The following SI variants were observed in gnomAD, a reference collection of about 807,000 sequenced individuals.
SI encodes sucrase-isomaltase, intestinal.
In SI, 235 loss-of-function variants were observed where a neutral mutation model predicts 253.3. The ratio of observed to expected loss-of-function variants is 0.93; its 90% CI spans 0.83 to 1.03. SI has a LOEUF of 1.03. SI is among the 50% of genes least tolerant of loss of function. The probability of loss-of-function intolerance (pLI) is 0.00; values close to 1 mark genes in which losing one functional copy is unlikely to be tolerated. For synonymous variants in SI, 819 were observed against 712.0 expected (o/e 1.15, Z -2.39); for missense variants, 2,442 against 2,211.1 (o/e 1.10, Z -2.09).
the SI span, among the ~76,000 whole-genome samples, chr3:165,086,141 C>G: frequency 1.3e-5 from 2 of 152,024 alleles, no homozygotes; most frequent in Non-Finnish European, 2.9e-5. Context: ...GTAATCCCAG[C>G]TACTTGGGAG....
intron 20 of SI, among the ~76,000 whole-genome samples, chr3:165,038,557 C>CAAA (rs11380597): frequency 1.4e-5 from 2 of 144,424 alleles, no homozygotes; most frequent in Non-Finnish European, 1.5e-5. Context: ...AAAAAAAATT[C>CAAA]AAAAAAAAAA....
chr3:165,063,914 C>CA (rs66516140), intron 7 of SI, among the ~76,000 whole-genome samples: 87,241 of 149,930 alleles, frequency 0.58, 25,780 homozygotes, highest in East Asian at 0.81. Flanking sequence ...ACTAAAAATA[C>CA]AAAAAATTAG....
chr3:165,074,706 T>A, intron 2 of SI, 39 bp from the exon 3 acceptor site: 1 of 1,508,986 alleles, frequency 6.6e-7, no homozygotes, highest in South Asian at 1.1e-5. Context: ...AAACATGACA[T>A]TAAATTAATT....
chr3:165,069,272 G>T lies in SI; in HGVS notation c.256-77C>A, dbSNP rs1403620341. 2.4e-5 allele frequency: 24 copies of T among 1,002,460 alleles called. No homozygotes were observed. The Admixed American group carries it at 2.5e-4, about 10-fold the overall frequency. The allele number at this position is 1,002,460 out of a possible 1,614,324, so 62.1% of individuals were successfully genotyped here. ...CCCAGTCTCTGTTTTTCCAAGGAAT[G>T]AATATTTTAAAATAATCTAACTTTT... is the stretch of plus-strand genomic sequence containing the variant. On this transcript the variant is annotated intron_variant, in intron 3 of 47. Transcript: ENST00000264382.
chr3:165,065,894 T>C (rs955360789), intron 6 of SI, among the ~76,000 whole-genome samples: 1 of 151,878 alleles, frequency 6.6e-6, no homozygotes, highest in Non-Finnish European at 1.5e-5. Flanking sequence ...CAAAAAGTTT[T>C]ATGTGTTATG....
chr3:165,023,264 C>G (rs1327793711), intron 26 of SI, among the ~76,000 whole-genome samples: 1 of 151,178 alleles, frequency 6.6e-6, no homozygotes, highest in Non-Finnish European at 1.5e-5. Context: ...CAGTAGGCAT[C>G]CAATTTTGTT....
intron 38 of SI, among the ~76,000 whole-genome samples, chr3:164,997,738 G>A (rs1718075994): frequency 1.3e-5 from 2 of 151,532 alleles, no homozygotes; most frequent in Admixed American, 6.6e-5. Flanking sequence ...TAGAATATGT[G>A]GTATTTTGTT....
chr3:165,028,911 A>G (rs1463696551), intron 25 of SI, among the ~76,000 whole-genome samples: 1 of 151,410 alleles, frequency 6.6e-6, no homozygotes, highest in Non-Finnish European at 1.5e-5. Context: ...CAATAAAAAC[A>G]AAGACAAACA....
At chr3:164,992,272 C>A in intron 42 of SI, 39 bp from the exon 43 acceptor site, 1 of 1,611,680 alleles carries the variant, frequency 6.2e-7, no homozygotes, top group Non-Finnish European at 8.5e-7. Flanking sequence ...GTATATAAAC[C>A]AAAGAAAATT....
Position 164,979,071 on chromosome 3 carries a change from T to G in SI, c.*291A>C, listed in dbSNP as rs924269639. 1 of 238,492 alleles carries G rather than the reference T, an allele frequency of 4.2e-6. No individual in the cohort carries two copies. The highest frequency in any genetic ancestry group is 2.2e-5 in the African/African-American group (1 of 44,662). 14.8% of individuals were successfully genotyped at this position (238,492 alleles called of 1,614,324 possible). A position where few individuals can be genotyped will look rare whatever the true frequency, so the allele number is the denominator to read the frequency against. ...TTAAAAATCACGTTTAAATTATATC[T>G]TAGCTATTTACATACATGTTTAGTA... On this transcript the variant is annotated 3_prime_UTR_variant, in exon 48 of 48. Transcript: ENST00000264382.
chr3:164,985,690 T>C (rs78916701), intron 45 of SI, among the ~76,000 whole-genome samples: 1 of 152,142 alleles, frequency 6.6e-6, no homozygotes, highest in African/African-American at 2.4e-5. Flanking sequence ...ATCAATTTTT[T>C]TGATTAAAGT....
intron 19 of SI, 57 bp from the exon 20 acceptor site, chr3:165,039,191 T>C (rs1346909791): frequency 1.7e-6 from 2 of 1,210,796 alleles, no homozygotes; most frequent in East Asian, 2.5e-5. Flanking sequence ...GAGGATCTTA[T>C]CAAATATTAA....
chr3:165,052,454 C>G (rs9841730), intron 13 of SI, among the ~76,000 whole-genome samples: 88,495 of 151,896 alleles, frequency 0.58, 26,166 homozygotes, highest in East Asian at 0.81. Context: ...CCAGGAGTTC[C>G]AGACCAGCCT....
intron 19 of SI, 137 bp downstream of exon 19, chr3:165,039,750 C>A (rs1462448436): frequency 1.4e-6 from 1 of 696,004 alleles, no homozygotes; most frequent in Non-Finnish European, 2.6e-6. Context: ...TGTGTCACAT[C>A]GTAGAATTCC....
chr3:165,071,625 A>G (rs1279037323), intron 3 of SI, among the ~76,000 whole-genome samples: 1 of 152,044 alleles, frequency 6.6e-6, no homozygotes, highest in African/African-American at 2.4e-5. Context: ...AGGTATTTGG[A>G]GATAGGTCCT....
intron 31 of SI, 88 bp from the exon 32 acceptor site, chr3:165,016,168 A>G: frequency 8.2e-7 from 1 of 1,222,574 alleles, no homozygotes; most frequent in East Asian, 2.3e-5. Context: ...AAGTAACAGC[A>G]ATATGAAAGT....
At chr3:165,024,474 G>T (rs960853316) in intron 25 of SI, among the ~76,000 whole-genome samples, 7 of 151,054 alleles carry the variant, frequency 4.6e-5, no homozygotes, top group South Asian at 2.1e-4. Context: ...TCCTTTTAAA[G>T]AAGTTGTGTG....
chr3:165,061,606 G>T (rs1330794708), intron 9 of SI, among the ~76,000 whole-genome samples: 1 of 151,780 alleles, frequency 6.6e-6, no homozygotes, highest in Non-Finnish European at 1.5e-5. Context: ...GGTATATCAA[G>T]AAAATAATAT....
intron 13 of SI, among the ~76,000 whole-genome samples, chr3:165,053,082 T>C (rs995633953): frequency 2.0e-5 from 3 of 151,778 alleles, no homozygotes; most frequent in Non-Finnish European, 4.4e-5. Context: ...AAATATTGAC[T>C]AACACTTTTG....
Sources: gnomAD v4.1 joint callset for allele counts (sites outside exome capture counted in the v4.1 genomes callset) on GRCh38, gnomAD v4.1.1 for gene constraint, MANE v1.5 for transcripts, NCBI Gene and HGNC (gene_info 2026-07-23, HGNC 2026-07-21) for gene names.